Variants in IMMT observed in about 807,000 individuals in gnomAD.
The protein encoded by IMMT is inner membrane mitochondrial protein, also known as MICOS complex subunit MIC60.
In IMMT, 40 loss-of-function variants were observed where a neutral mutation model predicts 92.7. The observed-to-expected ratio is 0.43, with a 90% CI of 0.34 to 0.56. The LOEUF (loss-of-function observed/expected upper bound fraction) is 0.56, where lower values mean the gene tolerates loss of function less well. IMMT is among the 20% of genes least tolerant of loss of function. IMMT has a pLI of 0.03. For synonymous variants in IMMT, 322 were observed against 336.1 expected (o/e 0.96, Z 0.46); for missense variants, 831 against 912.1 (o/e 0.91, Z 1.14).
intron 10 of IMMT, among the ~76,000 whole-genome samples, chr2:86,153,920 T>C (rs951473663): frequency 6.6e-6 from 1 of 152,204 alleles, no homozygotes; most frequent in African/African-American, 2.4e-5. Context: ...TGGAGTGCAG[T>C]GGTACAATCT....
At position 86,170,878 on chromosome 2, in the gene IMMT, T is replaced by C. The variant is rs755656906; in HGVS notation, c.560-34A>G. On this transcript the variant is annotated intron_variant, in intron 5 of 14. Transcript: ENST00000410111. ...AAAAGTAAATAAGAGGAAATCAAAT[T>C]TCAGCATAGAATTTTAATAGCTAAC... 2.0e-6 allele frequency: 3 copies of C among 1,483,822 alleles called. No individual in the cohort carries two copies. In the Admixed American group the frequency reaches 5.9e-5, roughly 29 times the overall value. 91.9% of individuals were successfully genotyped at this position (1,483,822 alleles called of 1,614,324 possible).
intron 1 of IMMT, among the ~76,000 whole-genome samples, chr2:86,184,442 CTGAG>C (rs1202224723): frequency 3.3e-5 from 5 of 152,090 alleles, no homozygotes; most frequent in African/African-American, 9.7e-5. Context: ...TCTCAAAGCA[CTGAG>C]TAATTTTTAT....
chr2:86,163,633 G>A (rs971784391), intron 7 of IMMT, among the ~76,000 whole-genome samples: 1 of 152,108 alleles, frequency 6.6e-6, no homozygotes, highest in African/African-American at 2.4e-5. Flanking sequence ...CAGGATAAGA[G>A]TCCATACATT....
chr2:86,146,244 A>G (rs368117007), intron 13 of IMMT, 47 bp from the exon 14 acceptor site: 1 of 1,553,596 alleles, frequency 6.4e-7, no homozygotes, highest in Non-Finnish European at 8.8e-7. Flanking sequence ...TACTCAATGC[A>G]TGTCATGTAA....
rs372702837 is a variant in IMMT, at chr2:86,144,572, T to C, written c.1973A>G (p.Tyr658Cys). The change falls in exon 15 of 15, where the codon TAC becomes TGC. Residue 658 changes from tyrosine (Y) to cysteine (C), a missense_variant. Transcript: ENST00000410111. ...IDETRNSLYQ[Y>C]FLSYLQSLLL... is the part of the protein sequence containing the mutation. Reference sequence around the variant, plus strand: ...CAGGGACTGTAGGTAGGAGAGGAAGTACTGGTACAAGCTATTTCTGGTTTC... The same window carrying C: ...CAGGGACTGTAGGTAGGAGAGGAAGCACTGGTACAAGCTATTTCTGGTTTC... 1.6e-5 allele frequency: 26 copies of C among 1,613,876 alleles called. No individual in the cohort carries two copies. The highest frequency in any genetic ancestry group is 1.9e-5 in the Non-Finnish European group (23 of 1,179,894).
At chr2:86,187,035 T>G (rs1490006475) in intron 1 of IMMT, among the ~76,000 whole-genome samples, 1 of 152,152 alleles carries the variant, frequency 6.6e-6, no homozygotes. Context: ...TTTTTTCCTC[T>G]ATGTGACAAA....
At chr2:86,170,382 G>A (rs1384552846) in intron 6 of IMMT, among the ~76,000 whole-genome samples, 3 of 152,138 alleles carry the variant, frequency 2.0e-5, no homozygotes, top group African/African-American at 7.2e-5. Context: ...CAGTGCCACC[G>A]CACTCCAGTC....
intron 6 of IMMT, among the ~76,000 whole-genome samples, chr2:86,170,530 A>C (rs1176955625): frequency 6.6e-6 from 1 of 152,220 alleles, no homozygotes; most frequent in Non-Finnish European, 1.5e-5. Context: ...TATTATTTGG[A>C]GTTTTCACCA....
At chr2:86,146,251 G>A in intron 13 of IMMT, 54 bp from the exon 14 acceptor site, 27 of 1,495,710 alleles carry the variant, frequency 1.8e-5, no homozygotes, top group Non-Finnish European at 2.4e-5. Flanking sequence ...TGCATGTCAT[G>A]TAACTGTGTA....
At chr2:86,157,893 G>A (rs1208514207) in intron 10 of IMMT, among the ~76,000 whole-genome samples, 3 of 151,444 alleles carry the variant, frequency 2.0e-5, no homozygotes, top group East Asian at 1.9e-4. Flanking sequence ...CAGGAGGATC[G>A]CTTCAACCCG....
At chr2:86,177,555 C>G (rs1167864828) in intron 3 of IMMT, among the ~76,000 whole-genome samples, 1 of 151,618 alleles carries the variant, frequency 6.6e-6, no homozygotes, top group Non-Finnish European at 1.5e-5. Context: ...GATCCGAGAT[C>G]GCGCCACTGC....
At chr2:86,178,390 G>A (rs1385913984) in intron 3 of IMMT, among the ~76,000 whole-genome samples, 1 of 151,826 alleles carries the variant, frequency 6.6e-6, no homozygotes, top group East Asian at 1.9e-4. Flanking sequence ...CACTTTGGGG[G>A]GCCGAGGCAG....
chr2:86,170,905 G>T, intron 5 of IMMT, 61 bp from the exon 6 acceptor site: 1 of 1,274,602 alleles, frequency 7.8e-7, no homozygotes, highest in Non-Finnish European at 1.1e-6. Context: ...ATAGCTAACA[G>T]GGATATAAAA....
intron 1 of IMMT, among the ~76,000 whole-genome samples, chr2:86,189,899 T>C (rs1171955003): frequency 2.0e-5 from 3 of 152,238 alleles, no homozygotes; most frequent in Non-Finnish European, 4.4e-5. Flanking sequence ...TACATTACAA[T>C]TTTACATTGA....
intron 6 of IMMT, among the ~76,000 whole-genome samples, chr2:86,168,969 A>G (rs1294109699): frequency 6.6e-6 from 1 of 152,198 alleles, no homozygotes; most frequent in African/African-American, 2.4e-5. Flanking sequence ...AGGCCACAGA[A>G]AGTGGGCTGC....
chr2:86,170,685 A>T, intron 6 of IMMT, 64 bp downstream of exon 6: 1 of 1,048,070 alleles, frequency 9.5e-7, no homozygotes, highest in East Asian at 2.6e-5. Flanking sequence ...TTGTGCTGAT[A>T]GTTTAAGAAG....
intron 10 of IMMT, among the ~76,000 whole-genome samples, chr2:86,155,417 C>T (rs748045571): frequency 6.6e-6 from 1 of 152,108 alleles, no homozygotes; most frequent in Non-Finnish European, 1.5e-5. Flanking sequence ...CTGGCTCTTA[C>T]CCCAACCTTG....
chr2:86,171,524 C>T, intron 4 of IMMT, 179 bp from the exon 5 acceptor site: 1 of 598,334 alleles, frequency 1.7e-6, no homozygotes, highest in South Asian at 2.0e-5. Flanking sequence ...CATACATAAA[C>T]TCACACAAAA....
At chr2:86,171,730 G>T (rs1170455662) in intron 4 of IMMT, among the ~76,000 whole-genome samples, 2 of 151,926 alleles carry the variant, frequency 1.3e-5, no homozygotes, top group Admixed American at 6.6e-5. Context: ...ACTAAACAAA[G>T]AATATTTTTT....
Sources: allele counts gnomAD v4.1 joint callset (sites outside exome capture counted in the v4.1 genomes callset), GRCh38; gene constraint gnomAD v4.1.1; transcripts MANE v1.5; gene names NCBI Gene and HGNC (gene_info 2026-07-23, HGNC 2026-07-21).